PXDN: variants seen among roughly 807,000 people sequenced by gnomAD.
PXDN encodes the protein peroxidasin homolog.
A neutral mutation model predicts 140.3 loss-of-function variants in PXDN; 77 were observed. That is an observed-to-expected ratio of 0.55 (90% CI 0.46 to 0.66). The LOEUF is 0.66. Among genes scored for constraint, PXDN ranks in the 30% least tolerant of loss-of-function variants. The probability of loss-of-function intolerance (pLI) is 0.00; values close to 1 mark genes in which losing one functional copy is unlikely to be tolerated. For missense variants in PXDN, 1,838 were observed against 2,039.5 expected (o/e 0.90, Z 1.90); for synonymous variants, 911 against 857.4 (o/e 1.06, Z -1.09).
At position 1,662,089 on chromosome 2, in the gene PXDN, C is replaced by T. The variant is rs1315476493; in HGVS notation, c.1663G>A (p.Ala555Thr). The T allele has an allele frequency of 6.3e-7, 1 of 1,593,796 alleles. No homozygotes were observed. The highest frequency in any genetic ancestry group is 8.5e-7 in the Non-Finnish European group (1 of 1,170,670). ...PCSSQGEPEP[A>T]ITWNKDGVQV... The stretch of plus-strand genomic sequence containing the variant: ...CCGCCTACCTTGTTCCAGGTGATGG[C>T]TGGCTCGGGCTCGCCCTGGGAGCTG... Residue 555 changes from alanine (A) to threonine (T), a missense_variant, in exon 13 of 23, where the codon GCC (alanine) becomes ACC (threonine). Physicochemically the swap from Ala to Thr is moderately conservative, Grantham distance 58. This residue lies in a region of PXDN where 537 missense variants were observed against 583.9 expected (regional missense o/e 0.92). Transcript: ENST00000252804.
Position 1,639,353 on chromosome 2 carries a change from C to G in PXDN, c.4022G>C (p.Ser1341Thr). The G allele has an allele frequency of 6.2e-7, 1 of 1,613,998 alleles. No individual in the cohort carries two copies. The highest frequency in any genetic ancestry group is 8.5e-7 in the Non-Finnish European group (1 of 1,179,876). Reference sequence around the variant, plus strand: ...CTTGGTCGGCTTGTCCTCCTGGTAGCTGAACTCAAGAGACCGTCTGCCTCG... The same window carrying G: ...CTTGGTCGGCTTGTCCTCCTGGTAGGTGAACTCAAGAGACCGTCTGCCTCG... ...HFRGRRSLEF[S>T]YQEDKPTKKT... Residue 1341 changes from serine (S) to threonine (T), a missense_variant, in exon 20 of 23, where the codon AGC (serine) becomes ACC (threonine). Ser to Thr is a moderately conservative substitution (Grantham distance 58). Transcript: ENST00000252804. The surrounding 1 kb of genome is among the most constrained non-coding windows in gnomAD (Gnocchi z 5.0).
At chr2:1,678,237 C>T (rs1490004318) in intron 7 of PXDN, among the ~76,000 whole-genome samples, 2 of 152,118 alleles carry the variant, frequency 1.3e-5, no homozygotes, top group Admixed American at 6.5e-5. Flanking sequence ...ACACACTCCC[C>T]GATTCCCTCT....
intron 1 of PXDN, among the ~76,000 whole-genome samples, chr2:1,722,872 G>C (rs1345878598): frequency 6.6e-6 from 1 of 152,268 alleles, no homozygotes; most frequent in Non-Finnish European, 1.5e-5. Context: ...GCCTGCTGCT[G>C]TCACCACTGT....
intron 12 of PXDN, among the ~76,000 whole-genome samples, chr2:1,663,047 G>A (rs2125424915): frequency 6.6e-6 from 1 of 152,340 alleles, no homozygotes; most frequent in East Asian, 1.9e-4. Context: ...GCCACAATCA[G>A]TGCTACGCTG....
intron 1 of PXDN, among the ~76,000 whole-genome samples, chr2:1,718,179 C>T (rs59083721): frequency 0.26 from 39,353 of 150,732 alleles, 5,461 homozygotes; most frequent in East Asian, 0.61. Flanking sequence ...TAACCTACTA[C>T]GCAAACCTAC....
intron 6 of PXDN, 64 bp from the exon 7 acceptor site, chr2:1,680,426 G>T: frequency 1.3e-6 from 2 of 1,579,774 alleles, no homozygotes; most frequent in Non-Finnish European, 8.7e-7. Flanking sequence ...CCATCCATCA[G>T]ACAGGGCTTC....
Position 1,691,912 on chromosome 2 carries a change from C to T in PXDN, c.344+16G>A, listed in dbSNP as rs1019709868. 6.3e-6 allele frequency: 9 copies of T among 1,439,326 alleles called. No individual in the cohort carries two copies. Among genetic ancestry groups the T allele is most frequent in the East Asian group, 5.0e-5 (2 of 40,370 alleles). The allele number at this position is 1,439,326 out of a possible 1,614,324, so 89.2% of individuals were successfully genotyped here. A position where few individuals can be genotyped will look rare whatever the true frequency, so the allele number is the denominator to read the frequency against. On this transcript the variant is annotated intron_variant, in intron 3 of 22. Coordinates refer to ENST00000252804, the MANE Select transcript of PXDN (RefSeq NM_012293.3). Reference sequence around the variant, plus strand: ...TACCATAAGCTTTTAGGTTAAAGAACTGATCATTAACTTACAGATATTTTA... The same window carrying T: ...TACCATAAGCTTTTAGGTTAAAGAATTGATCATTAACTTACAGATATTTTA...
chr2:1,731,540 A>C (rs529568190), intron 1 of PXDN, among the ~76,000 whole-genome samples: 1 of 152,316 alleles, frequency 6.6e-6, no homozygotes, highest in East Asian at 1.9e-4. Context: ...GGCGGGGCAC[A>C]GCTGGGATCC....
At chr2:1,658,895 T>G (rs1469166107) in intron 14 of PXDN, among the ~76,000 whole-genome samples, 1 of 151,272 alleles carries the variant, frequency 6.6e-6, no homozygotes, top group Non-Finnish European at 1.5e-5. Context: ...CCACCTCTGC[T>G]TCCCCCTCCG....
chr2:1,635,364 TTGCGTATACCTTAG>T, intron 22 of PXDN, 30 bp downstream of exon 22: 1 of 1,511,354 alleles, frequency 6.6e-7, no homozygotes, highest in Non-Finnish European at 9.0e-7. Flanking sequence ...ACTCTCGGAC[TTGCGTATACCTTAG>T]GACATGAAGA....
At chr2:1,710,827 TCC>T (rs2125468940) in intron 1 of PXDN, among the ~76,000 whole-genome samples, 1 of 49,876 alleles carries the variant, frequency 2.0e-5, no homozygotes. Flanking sequence ...GCACCCACTC[TCC>T]ACCAGCACCC....
chr2:1,730,887 T>C (rs1402319968), intron 1 of PXDN, among the ~76,000 whole-genome samples: 1 of 152,068 alleles, frequency 6.6e-6, no homozygotes, highest in Non-Finnish European at 1.5e-5. Context: ...CACTGGGCCA[T>C]GATGCATAAA....
At position 1,648,221 on chromosome 2, in the gene PXDN, C is replaced by T. The variant is rs201763004; in HGVS notation, c.3559G>A (p.Asp1187Asn). 223 of 1,613,806 alleles carry T rather than the reference C, an allele frequency of 1.4e-4. No homozygotes were observed. The African/African-American group carries it at 2.7e-3, about 20-fold the overall frequency. The change falls in exon 17 of 23, where the codon GAC becomes AAC. Residue 1187 changes from aspartate (D) to asparagine (N), a missense_variant. By Grantham distance (23) the Asp-to-Asn change is conservative (BLOSUM62 1). Around this residue, in one of 5 missense-constraint regions of PXDN, gnomAD observed 850 missense variants for 894.1 expected, o/e 0.95. Coordinates refer to ENST00000252804, the MANE Select transcript of PXDN (RefSeq NM_012293.3). This position sits in a 1 kb window ranked among gnomAD's most constrained non-coding sequence, Gnocchi z 8.9. ...GGGTTTTTAATCTCATTTTTCAGGT[C>T]CTCGAACGTGTGTGCCGCCGATAGA... ...CNLSAAHTFE[D>N]LKNEIKNPEI...
chr2:1,653,882 C>A (rs1017777790), intron 15 of PXDN, 97 bp from the exon 16 acceptor site: 1 of 1,335,968 alleles, frequency 7.5e-7, no homozygotes, highest in Non-Finnish European at 1.0e-6. Flanking sequence ...ATTAATATTT[C>A]TACGGCTACT....
At chr2:1,670,960 T>C (rs987400247) in intron 9 of PXDN, among the ~76,000 whole-genome samples, 1 of 151,838 alleles carries the variant, frequency 6.6e-6, no homozygotes, top group Non-Finnish European at 1.5e-5. Flanking sequence ...TCCCCCCACA[T>C]CAGGCAGAAG....
intron 7 of PXDN, among the ~76,000 whole-genome samples, chr2:1,678,963 C>T (rs1363937951): frequency 6.6e-6 from 1 of 152,100 alleles, no homozygotes; most frequent in Admixed American, 6.6e-5. Flanking sequence ...CCTGACATAG[C>T]TCCAGCAAGA....
At chr2:1,641,468 A>G (rs1313073647) in intron 19 of PXDN, among the ~76,000 whole-genome samples, 1 of 152,230 alleles carries the variant, frequency 6.6e-6, no homozygotes, top group Non-Finnish European at 1.5e-5. Context: ...CTTTTTAAAA[A>G]GTTTAATTGA....
Position 1,662,951 on chromosome 2 carries a change from T to C in PXDN, c.1567+654A>G, listed in dbSNP as rs1419058088. Among the ~76,000 whole-genome samples the C allele has an allele frequency of 2.0e-5, 3 of 152,252 alleles. No individual in the cohort carries two copies. The East Asian group carries it at 5.8e-4, about 30-fold the overall frequency. On this transcript the variant is annotated intron_variant, in intron 12 of 22. Transcript: ENST00000252804. ...TCTGTGGCAACCTGGATTACTCAGCTCTGGGGGCCACTCATGCTAACACTG... is the reference window on the plus strand; with the variant it reads ...TCTGTGGCAACCTGGATTACTCAGCCCTGGGGGCCACTCATGCTAACACTG...
intron 11 of PXDN, 145 bp from the exon 12 acceptor site, chr2:1,663,908 T>C: frequency 1.0e-6 from 1 of 957,062 alleles, no homozygotes; most frequent in Non-Finnish European, 1.6e-6. Context: ...AGCAAATCTT[T>C]GCCTCCCCAG....
Sources: gnomAD v4.1 joint callset for allele counts (sites outside exome capture counted in the v4.1 genomes callset) on GRCh38, gnomAD v4.1.1 for gene constraint, gnomAD v4.1.1 regional missense constraint, Gnocchi (gnomAD v3.1) non-coding constraint, MANE v1.5 for transcripts, NCBI Gene and HGNC (gene_info 2026-07-23, HGNC 2026-07-21) for gene names.